Variants in UGT1A9 observed in about 807,000 individuals in gnomAD.
UGT1A9 encodes the protein UDP-glucuronosyltransferase 1A9.
UGT1A9 carries 35 observed loss-of-function variants against 45.0 expected under a neutral mutation model. The observed-to-expected ratio is 0.78, with a 90% CI of 0.59 to 1.03. The LOEUF (loss-of-function observed/expected upper bound fraction) is 1.03. Among genes scored for constraint, UGT1A9 ranks in the 50% least tolerant of loss-of-function variants. The pLI is 0.00. For missense variants in UGT1A9, 687 were observed against 666.6 expected (o/e 1.03, Z -0.34); for synonymous variants, 278 against 250.6 (o/e 1.11, Z -1.03).
chr2:233,736,376 CT>C (rs2078756074), intron 1 of UGT1A9, among the ~76,000 whole-genome samples: 1 of 152,200 alleles, frequency 6.6e-6, no homozygotes, highest in Non-Finnish European at 1.5e-5. Context: ...CATTTAAGGT[CT>C]TCTCTACAGT....
intron 1 of UGT1A9, chr2:233,682,347 TAAAGG>T: frequency 6.2e-7 from 1 of 1,614,138 alleles, no homozygotes; most frequent in Admixed American, 1.7e-5. Flanking sequence ...GTAGAATACT[TAAAGG>T]AGAGTTGTTT....
intron 1 of UGT1A9, chr2:233,719,665 C>A (rs761217423): frequency 6.2e-7 from 1 of 1,614,054 alleles, no homozygotes; most frequent in East Asian, 2.2e-5. Flanking sequence ...ATCAACTGTG[C>A]CAACGGGAAG....
intron 1 of UGT1A9, among the ~76,000 whole-genome samples, chr2:233,745,884 T>C (rs1158721424): frequency 1.3e-5 from 2 of 150,192 alleles, no homozygotes; most frequent in East Asian, 2.0e-4. Flanking sequence ...GAAGTGTTGG[T>C]GGGGTGGCGT....
chr2:233,734,975 A>G (rs1254918242), intron 1 of UGT1A9, among the ~76,000 whole-genome samples: 1 of 152,228 alleles, frequency 6.6e-6, no homozygotes, highest in Non-Finnish European at 1.5e-5. Context: ...TGGTGCTGAG[A>G]AGAATGTATA....
At position 233,729,155 on chromosome 2, in the gene UGT1A9, C is replaced by T. The variant is rs754518469; in HGVS notation, c.856-37879C>T. The T allele has an allele frequency of 1.4e-5, 23 of 1,613,596 alleles. No homozygotes were observed. The highest frequency in any genetic ancestry group is 5.0e-5 in the Admixed American group (3 of 60,022). On this transcript the variant is annotated intron_variant, in intron 1 of 4. Coordinates refer to ENST00000354728, the MANE Select transcript of UGT1A9 (RefSeq NM_021027.3). ...GCCACAGGACTCCAGGTTCCCCTGC[C>T]GTGGCTGGCCACAGGACTGCTGCTT...
intron 1 of UGT1A9, chr2:233,760,314 C>T (rs2125982476): frequency 1.2e-6 from 2 of 1,613,914 alleles, no homozygotes; most frequent in Non-Finnish European, 1.7e-6. Context: ...AGGGCGGACG[C>T]CCACTTGTCC....
chr2:233,738,895 GCAGA>G (rs1690931559), intron 1 of UGT1A9: 1 of 152,264 alleles, frequency 6.6e-6, no homozygotes, highest in Admixed American at 6.5e-5. Context: ...GACCTTTGCA[GCAGA>G]CCCTCCCATC....
Position 233,693,395 on chromosome 2 carries a change from C to T in UGT1A9, c.855+20606C>T, listed in dbSNP as rs377558341. On this transcript the variant is annotated intron_variant, in intron 1 of 4. Transcript: ENST00000354728. ...CTTCATCAACTGCCAGAGCCTCCTG[C>T]AGGACAGGGACACCCTGAACTTCTT... The T allele has an allele frequency of 2.5e-6, 4 of 1,614,046 alleles. No homozygotes were observed. In the African/African-American group the frequency reaches 4.0e-5, roughly 16 times the overall value.
intron 1 of UGT1A9, among the ~76,000 whole-genome samples, chr2:233,725,654 C>T (rs918402674): frequency 3.9e-4 from 59 of 152,204 alleles, no homozygotes; most frequent in African/African-American, 1.3e-3. Context: ...TACAGCATAT[C>T]TCAATTTGGA....
Position 233,755,049 on chromosome 2 carries a change from T to TCCGC in UGT1A9, c.856-11982_856-11979dup, listed in dbSNP as rs1457280659. The TCCGC allele has an allele frequency of 3.8e-6, 5 of 1,330,832 alleles. No homozygotes were observed. In the South Asian group the frequency reaches 5.7e-5, roughly 15 times the overall value. The allele number at this position is 1,330,832 out of a possible 1,614,324, so 82.4% of individuals were successfully genotyped here. ...GGGCCTGCCGCCTGCGCAGCCGCCC[T>TCCGC]CCGCCCTCGCCTCGCCATAGCGGTC... On this transcript the variant is annotated intron_variant, in intron 1 of 4. Coordinates refer to ENST00000354728, the MANE Select transcript of UGT1A9 (RefSeq NM_021027.3).
At chr2:233,761,217 A>G (rs1266306783) in intron 1 of UGT1A9, 2 of 1,613,598 alleles carry the variant, frequency 1.2e-6, no homozygotes, top group Non-Finnish European at 1.7e-6. Flanking sequence ...GGATCGATTA[A>G]CTAGCCCCAG....
At chr2:233,677,390 G>T (rs28970015) in intron 1 of UGT1A9, among the ~76,000 whole-genome samples, 3,115 of 152,204 alleles carry the variant, frequency 0.02, 108 homozygotes, top group African/African-American at 0.071. Context: ...TAGAAAATCC[G>T]CATAGAACTT....
chr2:233,743,841 G>A (rs768671945), intron 1 of UGT1A9: 2 of 1,367,168 alleles, frequency 1.5e-6, no homozygotes, highest in Admixed American at 3.8e-5. Flanking sequence ...TTGAGCGCCA[G>A]CTTGCGGTAC....
intron 1 of UGT1A9, among the ~76,000 whole-genome samples, chr2:233,688,114 C>T (rs2125539013): frequency 6.6e-6 from 1 of 152,300 alleles, no homozygotes; most frequent in Middle Eastern, 3.4e-3. Context: ...TCTTCTACCC[C>T]TCAGCACTAA....
intron 1 of UGT1A9, among the ~76,000 whole-genome samples, chr2:233,758,641 A>G (rs1696933975): frequency 6.6e-6 from 1 of 152,212 alleles, no homozygotes; most frequent in Non-Finnish European, 1.5e-5. Flanking sequence ...TCTAAGGAGA[A>G]GAATGAGAGG....
Position 233,725,264 on chromosome 2 carries a change from GGAGGCAGAGGCA to G in UGT1A9, c.856-41728_856-41717del, listed in dbSNP as rs551912265. Among the ~76,000 whole-genome samples, 306 of 58,542 alleles carry G rather than the reference GGAGGCAGAGGCA, an allele frequency of 5.2e-3. 76 individuals are homozygous for G. The highest frequency in any genetic ancestry group is 9.6e-3 in the African/African-American group (73 of 7,632). 38.4% of individuals were successfully genotyped at this position (58,542 alleles called of 152,430 possible). ...CAGAGGCAGAGGAGGCAGAGGCAGA[GGAGGCAGAGGCA>G]GAGGCAGAGGCAGAGGCAGAGGCAG... On this transcript the variant is annotated intron_variant, in intron 1 of 4. Coordinates refer to ENST00000354728, the MANE Select transcript of UGT1A9 (RefSeq NM_021027.3).
At chr2:233,761,160 T>C (rs1333134836) in intron 1 of UGT1A9, 2 of 1,614,242 alleles carry the variant, frequency 1.2e-6, no homozygotes, top group Non-Finnish European at 8.5e-7. Flanking sequence ...AGGTGTGTAT[T>C]GGAGTGGGAC....
chr2:233,734,392 G>A (rs570744266), intron 1 of UGT1A9, among the ~76,000 whole-genome samples: 1 of 151,992 alleles, frequency 6.6e-6, no homozygotes, highest in Non-Finnish European at 1.5e-5. Context: ...ATTTTTTATT[G>A]CGTCTATTTG....
chr2:233,735,091 A>T (rs4477910), intron 1 of UGT1A9, among the ~76,000 whole-genome samples: 69,276 of 151,834 alleles, frequency 0.46, 17,201 homozygotes, highest in African/African-American at 0.66. Context: ...GTCTTGTTGA[A>T]CTGTCTAATA....
Sources: gnomAD v4.1 joint callset for allele counts (sites outside exome capture counted in the v4.1 genomes callset) on GRCh38, gnomAD v4.1.1 for gene constraint, MANE v1.5 for transcripts, NCBI Gene and HGNC (gene_info 2026-07-23, HGNC 2026-07-21) for gene names.